Variants in TSKS observed in about 807,000 individuals in gnomAD.
The protein encoded by TSKS is testis-specific serine kinase substrate.
A neutral mutation model predicts 68.0 loss-of-function variants in TSKS; 27 were observed. That is an observed-to-expected ratio of 0.40 (90% CI 0.29 to 0.55). The LOEUF (loss-of-function observed/expected upper bound fraction) is 0.55, where lower values mean the gene tolerates loss of function less well. Ranked by LOEUF, TSKS falls within the 20% of genes least tolerant of loss-of-function variation. The pLI is 0.53. For synonymous variants in TSKS, 331 were observed against 340.4 expected (o/e 0.97, Z 0.30); for missense variants, 806 against 776.0 (o/e 1.04, Z -0.46).
chr19:49,757,664 T>A (rs1180730772), intron 2 of TSKS, among the ~76,000 whole-genome samples: 1 of 152,034 alleles, frequency 6.6e-6, no homozygotes, highest in Non-Finnish European at 1.5e-5. Context: ...AAACTGACAC[T>A]CTCTCAACCA....
At chr19:49,762,425 C>CTT (rs34463626) in intron 1 of TSKS, among the ~76,000 whole-genome samples, 193 bp from the exon 2 acceptor site, 4 of 127,204 alleles carry the variant, frequency 3.1e-5, no homozygotes, top group Non-Finnish European at 5.1e-5. Context: ...TTCTTTCTTT[C>CTT]TTTTTTTTTT....
chr19:49,746,838 C>T, intron 5 of TSKS, 40 bp from the exon 6 acceptor site: 1 of 1,580,746 alleles, frequency 6.3e-7, no homozygotes. Flanking sequence ...CGTCCAGCCG[C>T]TTTCCTCCCG....
At chr19:49,746,242 C>T (rs1485922756) in intron 6 of TSKS, among the ~76,000 whole-genome samples, 3 of 152,112 alleles carry the variant, frequency 2.0e-5, no homozygotes, top group Non-Finnish European at 4.4e-5. Flanking sequence ...TCCCCGCCCA[C>T]CGCAGCTCCT....
At chr19:49,758,054 C>G (rs959931688) in intron 2 of TSKS, among the ~76,000 whole-genome samples, 3 of 151,750 alleles carry the variant, frequency 2.0e-5, no homozygotes, top group African/African-American at 4.8e-5. Flanking sequence ...CCCTCTGTCT[C>G]TGGGTCTCTG....
intron 2 of TSKS, among the ~76,000 whole-genome samples, chr19:49,757,391 G>A (rs1454581769): frequency 3.3e-5 from 5 of 152,168 alleles, no homozygotes; most frequent in African/African-American, 1.2e-4. Flanking sequence ...AAGTTTTGGT[G>A]TAATTGGTTT....
intron 2 of TSKS, among the ~76,000 whole-genome samples, chr19:49,753,356 A>G (rs1009428990): frequency 6.6e-6 from 1 of 151,978 alleles, no homozygotes; most frequent in Non-Finnish European, 1.5e-5. Context: ...AGGTCAGGAG[A>G]TCGAGACCAT....
intron 2 of TSKS, among the ~76,000 whole-genome samples, chr19:49,757,978 C>T (rs1197200844): frequency 6.6e-6 from 1 of 151,520 alleles, no homozygotes; most frequent in South Asian, 2.1e-4. Context: ...GCAACCTCCA[C>T]CTCCCGAGTT....
intron 2 of TSKS, among the ~76,000 whole-genome samples, chr19:49,756,926 G>C (rs2084397038): frequency 6.6e-6 from 1 of 152,134 alleles, no homozygotes; most frequent in Admixed American, 6.6e-5. Flanking sequence ...TGGGCATGGT[G>C]GTGCACACCT....
chr19:49,761,964 A>T, intron 2 of TSKS, 40 bp downstream of exon 2: 1 of 1,536,364 alleles, frequency 6.5e-7, no homozygotes, highest in East Asian at 2.3e-5. Context: ...CTTGTGGAGG[A>T]CCTCGGTCCT....
chr19:49,750,873 A>G (rs539052569), intron 2 of TSKS, among the ~76,000 whole-genome samples: 4 of 152,332 alleles, frequency 2.6e-5, no homozygotes, highest in African/African-American at 7.2e-5. Context: ...TGGTTGCTGA[A>G]CTAATACACA....
intron 2 of TSKS, among the ~76,000 whole-genome samples, chr19:49,754,024 A>G (rs1462353570): frequency 6.7e-6 from 1 of 149,578 alleles, no homozygotes; most frequent in East Asian, 2.0e-4. Flanking sequence ...AGCTGGGACT[A>G]CAGGCACCCG....
chr19:49,763,244 C>T lies in TSKS; in HGVS notation c.4G>A (p.Ala2Thr). 1 of 1,495,440 alleles carries T rather than the reference C, an allele frequency of 6.7e-7. No homozygotes were observed. Among genetic ancestry groups the T allele is most frequent in the Non-Finnish European group, 8.9e-7 (1 of 1,123,502 alleles). The allele number at this position is 1,495,440 out of a possible 1,614,324, so 92.6% of individuals were successfully genotyped here. A position where few individuals can be genotyped will look rare whatever the true frequency, so the allele number is the denominator to read the frequency against. Reference sequence around the variant, plus strand: ...CAGATCGTCTTCACCACCACGCTCGCCATGGTGTGGGGGTCTGGCTCCCAG... The same window carrying T: ...CAGATCGTCTTCACCACCACGCTCGTCATGGTGTGGGGGTCTGGCTCCCAG... The part of the protein sequence containing the change: M[A>T]SVVVKTIWQS... The change falls in exon 1 of 11, where the codon GCG becomes ACG. Residue 2 changes from alanine to threonine, a missense_variant. By Grantham distance (58) the Ala-to-Thr change is moderately conservative. Transcript: ENST00000246801. This position sits in a 1 kb window ranked among gnomAD's most constrained non-coding sequence, Gnocchi z 4.5.
Position 49,757,538 on chromosome 19 carries a change from G to A in TSKS, c.399+4466C>T, listed in dbSNP as rs182713288. On this transcript the variant is annotated intron_variant, in intron 2 of 10. Coordinates refer to ENST00000246801, the MANE Select transcript of TSKS (RefSeq NM_021733.2). ...AACTAATTTCTCCCAGTTACTAGCC[G>A]TATGACCTCATGGAGAGGACTTCAC... is the stretch of plus-strand genomic sequence containing the variant. Among the ~76,000 whole-genome samples, 63 of 152,266 alleles carry A rather than the reference G, an allele frequency of 4.1e-4. 1 individual carries two copies. The highest frequency in any genetic ancestry group is 4.1e-3 in the Admixed American group (63 of 15,278).
rs143828952 is a variant in TSKS at position 49,762,159 on chromosome 19, C to T, written c.244G>A (p.Val82Met). ...NLKRSSACTN[V>M]SLLNLAAMEP... is the part of the protein sequence containing the mutation. The stretch of plus-strand genomic sequence containing the variant: ...ATGGCGGCCAGGTTGAGCAGTGACA[C>T]GTTGGTGCAGGCCGAGGACCGTTTG... The change falls in exon 2 of 11, where the codon GTG becomes ATG. Residue 82 changes from valine to methionine, a missense_variant. Transcript: ENST00000246801. 6.9e-4 allele frequency: 1,121 copies of T among 1,614,136 alleles called. 17 individuals carry two copies. The Middle Eastern group carries it at 9.9e-3, about 14-fold the overall frequency.
rs148124007 is a variant in TSKS at position 49,739,819 on chromosome 19, G to A, written c.1736C>T (p.Ala579Val). 2.5e-5 allele frequency: 40 copies of A among 1,603,046 alleles called. No individual in the cohort carries two copies. Among genetic ancestry groups the A allele is most frequent in the Admixed American group, 1.0e-4 (6 of 59,910 alleles). ...GCCCCCCTGTTTTGGGGGGGTTCCT[G>A]CACTGCTGCCTCCCCCCATTGTTCC... ...STGTMGGGSS[A>V]GTPPKQGGSA... The change falls in exon 11 of 11, where the codon GCA (alanine) becomes GTA (valine). Residue 579 changes from alanine (A) to valine (V), a missense_variant. Ala to Val is a moderately conservative substitution (Grantham distance 64). Coordinates refer to ENST00000246801, the MANE Select transcript of TSKS (RefSeq NM_021733.2).
At chr19:49,748,231 A>G (rs1414308144) in intron 3 of TSKS, 63 bp from the exon 4 acceptor site, 4 of 1,593,604 alleles carry the variant, frequency 2.5e-6, no homozygotes, top group Non-Finnish European at 2.6e-6. Flanking sequence ...GGAAAAGAAG[A>G]TCTGGGCCTG....
At chr19:49,751,895 T>C (rs2084353566) in intron 2 of TSKS, among the ~76,000 whole-genome samples, 1 of 80,946 alleles carries the variant, frequency 1.2e-5, no homozygotes, top group Non-Finnish European at 2.1e-5. Context: ...AGACCCCAAC[T>C]CTACAAAAAA....
rs1230797501 is a variant in TSKS at position 49,748,467 on chromosome 19, A to C, written c.402T>G (p.Ser134Arg). 1 of 1,613,528 alleles carries C rather than the reference A, an allele frequency of 6.2e-7. No homozygotes were observed. The highest frequency in any genetic ancestry group is 1.3e-5 in the African/African-American group (1 of 74,884). The stretch of plus-strand genomic sequence containing the variant: ...CGCGGACCAATCCACTGTTGACCCC[A>C]CTCTGGGGAAGAATGGGAGACAGGT... ...PDDADITEILSGVNSGLVRAK... is the reference protein window; with the variant it reads ...PDDADITEILRGVNSGLVRAK... The change falls in exon 3 of 11, where the codon AGT becomes AGG. Residue 134 changes from serine (S) to arginine (R), a missense_variant and splice_region_variant. Transcript: ENST00000246801.
intron 2 of TSKS, among the ~76,000 whole-genome samples, chr19:49,760,803 C>G (rs2084433841): frequency 6.6e-6 from 1 of 151,182 alleles, no homozygotes. Flanking sequence ...AATAAATAAA[C>G]AAAAGCTGGG....
Sources: allele counts gnomAD v4.1 joint callset (sites outside exome capture counted in the v4.1 genomes callset), GRCh38; gene constraint gnomAD v4.1.1; non-coding constraint Gnocchi (gnomAD v3.1); transcripts MANE v1.5; gene names NCBI Gene and HGNC (gene_info 2026-07-23, HGNC 2026-07-21).